Variants in GAS7 observed in about 807,000 individuals in gnomAD.
GAS7 encodes the protein growth arrest-specific protein 7.
A neutral mutation model predicts 71.1 loss-of-function variants in GAS7; 28 were observed. The observed-to-expected ratio is 0.39, with a 90% confidence interval of 0.29 to 0.54. The LOEUF is 0.54. Ranked by LOEUF, GAS7 falls within the 20% of genes least tolerant of loss-of-function variation. GAS7 has a pLI of 0.62. For missense variants in GAS7, 436 were observed against 627.8 expected (o/e 0.69, Z 3.27); for synonymous variants, 258 against 245.8 (o/e 1.05, Z -0.46).
intron 1 of GAS7, among the ~76,000 whole-genome samples, chr17:10,032,785 A>G (rs1404198495): frequency 1.3e-5 from 2 of 152,244 alleles, no homozygotes; most frequent in Non-Finnish European, 2.9e-5. Flanking sequence ...AAAGAGAAAG[A>G]GGTCTCAAAC....
intron 1 of GAS7, among the ~76,000 whole-genome samples, chr17:10,048,386 A>G (rs1381228685): frequency 6.6e-6 from 1 of 151,674 alleles, no homozygotes; most frequent in East Asian, 1.9e-4. Flanking sequence ...AGGAAATCAG[A>G]TTTTCCTCAG....
chr17:9,931,624 T>C (rs568125700), intron 9 of GAS7, among the ~76,000 whole-genome samples: 42 of 152,370 alleles, frequency 2.8e-4, no homozygotes, highest in Non-Finnish European at 4.6e-4. Context: ...CTTGCTGTTT[T>C]GGATGCAATG....
chr17:9,978,258 T>C (rs2070283518), intron 3 of GAS7, among the ~76,000 whole-genome samples: 1 of 151,308 alleles, frequency 6.6e-6, no homozygotes, highest in Admixed American at 6.6e-5. Flanking sequence ...GGGCAGGGCC[T>C]CGTTTTATCT....
intron 5 of GAS7, among the ~76,000 whole-genome samples, chr17:9,956,566 C>T (rs982956041): frequency 1.3e-5 from 2 of 152,140 alleles, no homozygotes; most frequent in Non-Finnish European, 2.9e-5. Context: ...AATCAAACAG[C>T]ACACTCCACC....
intron 1 of GAS7, among the ~76,000 whole-genome samples, chr17:10,157,182 C>T (rs544584098): frequency 3.9e-5 from 6 of 152,226 alleles, no homozygotes; most frequent in African/African-American, 1.2e-4. Flanking sequence ...GAAACACCCA[C>T]GGCTTACAAA....
chr17:10,034,295 T>TGA lies in GAS7; in HGVS notation c.184-14399_184-14398insTC. ...AAGGGCTTTCATATATACATATATATAGCCTAATACTTAATAATTCTTTTT... is the reference window on the plus strand; with the variant it reads ...AAGGGCTTTCATATATACATATATATGAAGCCTAATACTTAATAATTCTTTTT... On this transcript the variant is annotated intron_variant, in intron 1 of 13. Transcript: ENST00000432992. This position sits in a 1 kb window ranked among gnomAD's most constrained non-coding sequence, Gnocchi z 4.4. 2 of 798,892 alleles carry TGA rather than the reference T, an allele frequency of 2.5e-6. No individual in the cohort carries two copies. The highest frequency in any genetic ancestry group is 3.0e-6 in the Non-Finnish European group (2 of 660,282). 49.5% of individuals were successfully genotyped at this position (798,892 alleles called of 1,614,324 possible).
chr17:9,999,652 T>C (rs930398505), intron 2 of GAS7, among the ~76,000 whole-genome samples: 1 of 152,190 alleles, frequency 6.6e-6, no homozygotes, highest in African/African-American at 2.4e-5. Context: ...AAGCCACTTG[T>C]AAACTTGCTG....
chr17:9,915,112 G>GAGTGA lies in GAS7; in HGVS notation c.*2111_*2115dup, dbSNP rs138503731. 3.7e-3 allele frequency: 864 copies of GAGTGA among 231,724 alleles called. 12 individuals carry two copies. The highest frequency in any genetic ancestry group is 0.018 in the African/African-American group (803 of 45,348). The allele number at this position is 231,724 out of a possible 1,614,324, so 14.4% of individuals were successfully genotyped here. A position where few individuals can be genotyped will look rare whatever the true frequency, so the allele number is the denominator to read the frequency against. On this transcript the variant is annotated 3_prime_UTR_variant, in exon 14 of 14. Coordinates refer to ENST00000432992, the MANE Select transcript of GAS7 (RefSeq NM_201433.2). ...GGAGGTGAGGGGATGAGGGGGGAAA[G>GAGTGA]AGTGACCTCCAAAAATGGACTGGCC...
At position 9,928,598 on chromosome 17, in the gene GAS7, C is replaced by T. The variant is rs1184675185; in HGVS notation, c.886-1829G>A. Among the ~76,000 whole-genome samples the T allele has an allele frequency of 6.6e-5, 10 of 152,236 alleles. No homozygotes were observed. In the East Asian group the frequency reaches 1.9e-3, roughly 29 times the overall value. ...CGGTCTTAGAGGTGTCTCTAGGGAG[C>T]ACAGCTCAACTTCCCTGGACAGATG... On this transcript the variant is annotated intron_variant, in intron 9 of 13. Transcript: ENST00000432992.
chr17:10,008,576 A>G (rs1472346151), intron 2 of GAS7, among the ~76,000 whole-genome samples: 4 of 152,234 alleles, frequency 2.6e-5, no homozygotes, highest in African/African-American at 9.6e-5. Context: ...CACTGGTGAA[A>G]AATGAGGGGT....
intron 6 of GAS7, among the ~76,000 whole-genome samples, chr17:9,943,972 C>A (rs955841626): frequency 2.0e-5 from 3 of 152,080 alleles, no homozygotes; most frequent in Non-Finnish European, 4.4e-5. Flanking sequence ...TACTATGTAC[C>A]CAATAAATGG....
chr17:9,999,767 G>A (rs968308114), intron 2 of GAS7, among the ~76,000 whole-genome samples: 1 of 151,838 alleles, frequency 6.6e-6, no homozygotes, highest in Admixed American at 6.6e-5. Context: ...AGAAATTCTG[G>A]GCAAAAAAAG....
At chr17:9,927,306 C>CACACAA (rs1460549537) in intron 9 of GAS7, among the ~76,000 whole-genome samples, 1 of 148,502 alleles carries the variant, frequency 6.7e-6, no homozygotes, top group African/African-American at 2.5e-5. Flanking sequence ...CACACACACA[C>CACACAA]ACACACACAC....
chr17:10,056,652 A>ACT (rs769109431), intron 1 of GAS7, among the ~76,000 whole-genome samples: 78 of 152,284 alleles, frequency 5.1e-4, no homozygotes, highest in Middle Eastern at 3.4e-3. Flanking sequence ...CAGGTGGATC[A>ACT]CGAGGTCAGG....
At chr17:10,158,711 T>A (rs992448341) in intron 1 of GAS7, among the ~76,000 whole-genome samples, 4 of 151,972 alleles carry the variant, frequency 2.6e-5, no homozygotes, top group African/African-American at 9.7e-5. Flanking sequence ...ACTGTAATTC[T>A]TGCAACTCTT....
chr17:10,108,417 G>T (rs796747392), intron 1 of GAS7, among the ~76,000 whole-genome samples: 20 of 152,282 alleles, frequency 1.3e-4, no homozygotes, highest in African/African-American at 4.8e-4. Flanking sequence ...ACCACACAGG[G>T]TCGTTCTCAG....
At position 10,026,438 on chromosome 17, in the gene GAS7, C is replaced by G. The variant is rs184376423; in HGVS notation, c.184-6541G>C. 1 of 251,336 alleles carries G rather than the reference C, an allele frequency of 4.0e-6. No individual in the cohort carries two copies. The highest frequency in any genetic ancestry group is 2.3e-5 in the African/African-American group (1 of 43,342). The allele number at this position is 251,336 out of a possible 1,614,324, so 15.6% of individuals were successfully genotyped here. On this transcript the variant is annotated intron_variant, in intron 1 of 13. Coordinates refer to ENST00000432992, the MANE Select transcript of GAS7 (RefSeq NM_201433.2). This position sits in a 1 kb window ranked among gnomAD's most constrained non-coding sequence, Gnocchi z 4.5. ...CAATGCTTGCTAATGAGCCCAGTGCCGTGATTGGCACTGCTTGAAGGCTCC... is the reference window on the plus strand; with the variant it reads ...CAATGCTTGCTAATGAGCCCAGTGCGGTGATTGGCACTGCTTGAAGGCTCC...
At chr17:10,108,036 G>T (rs957621883) in intron 1 of GAS7, among the ~76,000 whole-genome samples, 1 of 152,142 alleles carries the variant, frequency 6.6e-6, no homozygotes, top group African/African-American at 2.4e-5. Flanking sequence ...CCAGTGGAGG[G>T]CTTGGCAGGG....
chr17:10,169,788 T>C (rs1481125430), intron 1 of GAS7, among the ~76,000 whole-genome samples: 1 of 152,136 alleles, frequency 6.6e-6, no homozygotes, highest in African/African-American at 2.4e-5. Context: ...CATAACGACT[T>C]CAAATTTATA....
Sources: allele counts gnomAD v4.1 joint callset (sites outside exome capture counted in the v4.1 genomes callset), GRCh38; gene constraint gnomAD v4.1.1; non-coding constraint Gnocchi (gnomAD v3.1); transcripts MANE v1.5; gene names NCBI Gene and HGNC (gene_info 2026-07-23, HGNC 2026-07-21).